Variants in CENPO observed in about 807,000 individuals in gnomAD.
CENPO encodes centromeric protein O.
A neutral mutation model predicts 36.1 loss-of-function variants in CENPO; 30 were observed. The ratio of observed to expected loss-of-function variants is 0.83; its 90% CI spans 0.62 to 1.13. The LOEUF (loss-of-function observed/expected upper bound fraction) is 1.13. Ranked by LOEUF, CENPO falls within the 50% of genes most tolerant of loss-of-function variation. The probability of loss-of-function intolerance (pLI) is 0.00; values close to 1 mark genes in which losing one functional copy is unlikely to be tolerated. For synonymous variants in CENPO, 171 were observed against 142.3 expected, an observed-to-expected ratio of 1.20 and a Z score of -1.44; for missense variants, 349 against 357.8, an observed-to-expected ratio of 0.98 and a Z score of 0.20.
In CENPO at chr2:24,800,708, T is replaced by G. The variant is rs187658879; in HGVS notation, c.216+864T>G. Reference sequence around the variant, plus strand: ...TCCATGGTGTATATGTGCCACATTTTCTTAATCCAGTCTATCATTGTAGGA... The same window carrying G: ...TCCATGGTGTATATGTGCCACATTTGCTTAATCCAGTCTATCATTGTAGGA... On this transcript the variant is annotated intron_variant, in intron 3 of 7. Transcript: ENST00000380834. Among the ~76,000 whole-genome samples, 21 of 152,334 alleles carry G rather than the reference T, an allele frequency of 1.4e-4. No individual in the cohort carries two copies. The East Asian group carries it at 3.5e-3, about 25-fold the overall frequency.
intron 3 of CENPO, among the ~76,000 whole-genome samples, chr2:24,804,033 T>G (rs1326864804): frequency 6.6e-6 from 1 of 152,202 alleles, no homozygotes; most frequent in African/African-American, 2.4e-5. Context: ...TGCATATATA[T>G]TTAGGATAGT....
intron 3 of CENPO, among the ~76,000 whole-genome samples, chr2:24,812,433 T>G (rs918807645): frequency 2.6e-5 from 4 of 152,126 alleles, no homozygotes; most frequent in Non-Finnish European, 5.9e-5. Flanking sequence ...TTGTAAAGCT[T>G]CTTTAATTGA....
rs1666745135 is a variant in CENPO, at chr2:24,812,537, GTTT to G, written c.217-1836_217-1834del. 4.6e-5 allele frequency among the ~76,000 whole-genome samples: 7 copies of G among 152,048 alleles called. No individual in the cohort carries two copies. In the South Asian group the frequency reaches 1.5e-3, roughly 32 times the overall value. ...ATTTCTGGGGCTCCCATGTATGGGT[GTTT>G]TTGTTTTTGTTTTCTGTGACCTATG... On this transcript the variant is annotated intron_variant, in intron 3 of 7. Coordinates refer to ENST00000380834, the MANE Select transcript of CENPO (RefSeq NM_001322101.2).
chr2:24,820,607 G>T lies in CENPO; in HGVS notation c.*1289G>T. On this transcript the variant is annotated 3_prime_UTR_variant, in exon 8 of 8. Coordinates refer to ENST00000380834, the MANE Select transcript of CENPO (RefSeq NM_001322101.2). ...TCTTTTCCACTTGCCCCACGTCTCT[G>T]CCTCTGGACTTACTGTTCAGGGCCA... 1 of 1,514,684 alleles carries T rather than the reference G, an allele frequency of 6.6e-7. No individual in the cohort carries two copies. The highest frequency in any genetic ancestry group is 2.3e-5 in the East Asian group (1 of 43,774). The allele number at this position is 1,514,684 out of a possible 1,614,324, so 93.8% of individuals were successfully genotyped here. A position where few individuals can be genotyped will look rare whatever the true frequency, so the allele number is the denominator to read the frequency against.
Position 24,814,242 on chromosome 2 carries a change from C to G in CENPO, c.217-134C>G. On this transcript the variant is annotated intron_variant, in intron 3 of 7. Coordinates refer to ENST00000380834, the MANE Select transcript of CENPO (RefSeq NM_001322101.2). ...CTCTGCAGTGAATTCATAGCAATAA[C>G]TGACCGGCCACTGTAGCATTTCTTG... 3 of 678,830 alleles carry G rather than the reference C, an allele frequency of 4.4e-6. No individual in the cohort carries two copies. In the South Asian group the frequency reaches 5.2e-5, roughly 12 times the overall value. The allele number at this position is 678,830 out of a possible 1,614,324, so 42.1% of individuals were successfully genotyped here. A position where few individuals can be genotyped will look rare whatever the true frequency, so the allele number is the denominator to read the frequency against.
At chr2:24,805,569 T>C (rs925423400) in intron 3 of CENPO, among the ~76,000 whole-genome samples, 3 of 152,324 alleles carry the variant, frequency 2.0e-5, no homozygotes, top group South Asian at 4.1e-4. Flanking sequence ...TGCAGGTCTG[T>C]TGGATTTTGC....
intron 3 of CENPO, among the ~76,000 whole-genome samples, chr2:24,804,001 G>A (rs748761494): frequency 2.6e-5 from 4 of 152,074 alleles, no homozygotes; most frequent in Admixed American, 2.0e-4. Flanking sequence ...TGCTTTATGA[G>A]TCTGGGTGCT....
chr2:24,821,357 TG>T lies in CENPO; in HGVS notation c.*2041del. 9.4e-7 allele frequency: 1 copy of T among 1,067,472 alleles called. No individual in the cohort carries two copies. The highest frequency in any genetic ancestry group is 1.3e-6 in the Non-Finnish European group (1 of 744,468). The allele number at this position is 1,067,472 out of a possible 1,614,324, so 66.1% of individuals were successfully genotyped here. A position where few individuals can be genotyped will look rare whatever the true frequency, so the allele number is the denominator to read the frequency against. The stretch of plus-strand genomic sequence containing the variant: ...TTTGGTTTAGTCATCTAGAGTCGTC[TG>T]GACTAAAGGTCTTTCAGGTCTCCTT... On this transcript the variant is annotated 3_prime_UTR_variant, in exon 8 of 8. Transcript: ENST00000380834.
intron 3 of CENPO, among the ~76,000 whole-genome samples, chr2:24,800,975 C>T (rs1195130735): frequency 6.6e-6 from 1 of 152,136 alleles, no homozygotes; most frequent in African/African-American, 2.4e-5. Context: ...TCTCCACAGC[C>T]TCTCCAGCAC....
At chr2:24,808,520 C>G (rs1006998372) in intron 3 of CENPO, among the ~76,000 whole-genome samples, 3 of 152,074 alleles carry the variant, frequency 2.0e-5, no homozygotes, top group African/African-American at 7.2e-5. Flanking sequence ...AAAGAGCCAC[C>G]TGGCTCTTTT....
intron 3 of CENPO, among the ~76,000 whole-genome samples, chr2:24,811,461 GTT>G (rs201844080): frequency 2.5e-4 from 27 of 108,590 alleles, no homozygotes; most frequent in Non-Finnish European, 3.0e-4. Context: ...TTTGTTTTTT[GTT>G]TTTTGTTTTT....
At position 24,814,381 on chromosome 2, in the gene CENPO, A is replaced by G. The variant is rs745358738; in HGVS notation, c.222A>G (p.Lys74=). ...ATTTGCTGCATATCTTGCAGGTGAA[A>G]GCATGTATTGCCAATGTAGAACCCA... The part of the protein sequence containing the change: ...AVVRHRRASV[K]ACIANVEPNQ... Residue 74 remains lysine (K), a synonymous_variant, in exon 4 of 8, where the codon AAA becomes AAG. Transcript: ENST00000380834. 6 of 1,510,660 alleles carry G rather than the reference A, an allele frequency of 4.0e-6. No individual in the cohort carries two copies. Among genetic ancestry groups the G allele is most frequent in the Non-Finnish European group, 5.5e-6 (6 of 1,085,470 alleles). The allele number at this position is 1,510,660 out of a possible 1,614,324, so 93.6% of individuals were successfully genotyped here. A position where few individuals can be genotyped will look rare whatever the true frequency, so the allele number is the denominator to read the frequency against.
At position 24,820,861 on chromosome 2, in the gene CENPO, C is replaced by T. The variant is rs374822419; in HGVS notation, c.*1543C>T. On this transcript the variant is annotated 3_prime_UTR_variant, in exon 8 of 8. Coordinates refer to ENST00000380834, the MANE Select transcript of CENPO (RefSeq NM_001322101.2). ...CCTTTGTTCATGCCTAGGGTAGAGG[C>T]ATAAAGTTCAGCACAGCCACAGGCC... The T allele has an allele frequency of 1.2e-6, 2 of 1,613,032 alleles. No homozygotes were observed. The highest frequency in any genetic ancestry group is 2.7e-5 in the African/African-American group (2 of 74,898).
Position 24,793,454 on chromosome 2 carries a change from G to A in CENPO, c.-116G>A, listed in dbSNP as rs1665703324. 1 of 1,605,390 alleles carries A rather than the reference G, an allele frequency of 6.2e-7. No homozygotes were observed. Among genetic ancestry groups the A allele is most frequent in the Admixed American group, 1.7e-5 (1 of 59,060 alleles). ...TCGCAAAGCACGCCGGGACCGGTTG[G>A]TTTGGTTTTGAAGACGTGGATGGCG... On this transcript the variant is annotated 5_prime_UTR_variant, in exon 1 of 8. Coordinates refer to ENST00000380834, the MANE Select transcript of CENPO (RefSeq NM_001322101.2).
chr2:24,797,909 A>G (rs1045872877), intron 2 of CENPO, among the ~76,000 whole-genome samples: 13 of 152,304 alleles, frequency 8.5e-5, no homozygotes, highest in Middle Eastern at 3.4e-3. Flanking sequence ...GGGTTGAGGT[A>G]TGAGTCACAG....
chr2:24,820,738 T>C lies in CENPO; in HGVS notation c.*1420T>C. The C allele has an allele frequency of 6.2e-7, 1 of 1,614,130 alleles. No individual in the cohort carries two copies. The highest frequency in any genetic ancestry group is 1.1e-5 in the South Asian group (1 of 91,078). ...ACTGGACATACCTGAATGTTGCCCA[T>C]GACCCCCGTGGACTCCATCCTGCTG... On this transcript the variant is annotated 3_prime_UTR_variant, in exon 8 of 8. Coordinates refer to ENST00000380834, the MANE Select transcript of CENPO (RefSeq NM_001322101.2).
rs1666184043 is a variant in CENPO at position 24,801,995 on chromosome 2, T to C, written c.216+2151T>C. Among the ~76,000 whole-genome samples, 4 of 152,202 alleles carry C rather than the reference T, an allele frequency of 2.6e-5. No homozygotes were observed. The South Asian group carries it at 8.3e-4, about 31-fold the overall frequency. On this transcript the variant is annotated intron_variant, in intron 3 of 7. Transcript: ENST00000380834. ...TCTCCCATTTGTTTGTGTCCTCTTT[T>C]ATTTCGTTGATTAGTGGTTTGTAGT... is the stretch of plus-strand genomic sequence containing the variant.
At position 24,803,168 on chromosome 2, in the gene CENPO, G is replaced by A. The variant is rs866265888; in HGVS notation, c.216+3324G>A. 3.5e-4 allele frequency among the ~76,000 whole-genome samples: 52 copies of A among 150,634 alleles called. 1 individual carries two copies. In the Middle Eastern group the frequency reaches 0.01, roughly 30 times the overall value. On this transcript the variant is annotated intron_variant, in intron 3 of 7. Transcript: ENST00000380834. Reference sequence around the variant, plus strand: ...TAGTTTGTATTTCTGTGGGATCGGTGGTGATATCCCTTTTATCATTTTTTA... The same window carrying A: ...TAGTTTGTATTTCTGTGGGATCGGTAGTGATATCCCTTTTATCATTTTTTA...
chr2:24,811,468 G>GT (rs1184413093), intron 3 of CENPO, among the ~76,000 whole-genome samples: 3,646 of 103,296 alleles, frequency 0.035, 39 homozygotes, highest in African/African-American at 0.042. Context: ...TTTGTTTTTT[G>GT]TTTTTTTTTT....
Sources: allele counts gnomAD v4.1 joint callset (sites outside exome capture counted in the v4.1 genomes callset), GRCh38; gene constraint gnomAD v4.1.1; transcripts MANE v1.5; gene names NCBI Gene and HGNC (gene_info 2026-07-23, HGNC 2026-07-21).